The following MTMR9 variants were observed in gnomAD, a reference collection of about 807,000 sequenced individuals.
The protein encoded by MTMR9 is myotubularin related protein 9, also known as myotubularin-related protein 9.
MTMR9 carries 39 observed loss-of-function variants against 69.5 expected under a neutral mutation model. That is an observed-to-expected ratio of 0.56 (90% confidence interval 0.43 to 0.73). The LOEUF (loss-of-function observed/expected upper bound fraction) is 0.73, where lower values mean the gene tolerates loss of function less well. Ranked by LOEUF, MTMR9 falls within the 30% of genes least tolerant of loss-of-function variation. The probability of loss-of-function intolerance (pLI) is 0.00; values close to 1 mark genes in which losing one functional copy is unlikely to be tolerated. For synonymous variants in MTMR9, 354 were observed against 240.8 expected (o/e 1.47, Z -4.35); for missense variants, 900 against 671.2 (o/e 1.34, Z -3.77).
intron 9 of MTMR9, among the ~76,000 whole-genome samples, chr8:11,321,974 T>G (rs1389137068): frequency 6.6e-6 from 1 of 152,198 alleles, no homozygotes; most frequent in Non-Finnish European, 1.5e-5. Context: ...AAGGCATTAT[T>G]GTGGTGTGAT....
rs1341609534 is a variant in MTMR9, at chr8:11,327,677, C to G, written c.*4889C>G. The G allele has an allele frequency of 6.6e-6, 1 of 152,594 alleles. No individual in the cohort carries two copies. The highest frequency in any genetic ancestry group is 2.4e-5 in the African/African-American group (1 of 41,426). The allele number at this position is 152,594 out of a possible 1,614,324, so 9.5% of individuals were successfully genotyped here. A position where few individuals can be genotyped will look rare whatever the true frequency, so the allele number is the denominator to read the frequency against. ...TTCTCTTGATAATATTTGAATGTGA[C>G]TCTTGGATTTAAGTGCACTATTATT... is the stretch of plus-strand genomic sequence containing the variant. On this transcript the variant is annotated 3_prime_UTR_variant, in exon 10 of 10. Transcript: ENST00000221086.
intron 1 of MTMR9, among the ~76,000 whole-genome samples, chr8:11,294,192 T>C (rs1799468986): frequency 6.6e-6 from 1 of 152,210 alleles, no homozygotes; most frequent in Non-Finnish European, 1.5e-5. Context: ...CAAATAAAGG[T>C]AGTTTTACTT....
At chr8:11,336,514 C>T in the MTMR9 span, among the ~76,000 whole-genome samples, 3 of 152,218 alleles carry the variant, frequency 2.0e-5, no homozygotes, top group Non-Finnish European at 2.9e-5. Flanking sequence ...CTTTAGTCTT[C>T]CTTGTCATTA....
At chr8:11,285,110 G>T (rs376629937) in intron 1 of MTMR9, 40 bp downstream of exon 1, 1 of 1,491,808 alleles carries the variant, frequency 6.7e-7, no homozygotes, top group South Asian at 1.3e-5. Context: ...GGGAGCCGGG[G>T]GTCCCTTGTG....
At chr8:11,316,643 A>G (rs375935654) in intron 7 of MTMR9, 30 bp from the exon 8 acceptor site, 558 of 1,483,838 alleles carry the variant, frequency 3.8e-4, no homozygotes, top group Non-Finnish European at 4.8e-4. Flanking sequence ...TCACCAGGAT[A>G]TGACTGTCAC....
intron 6 of MTMR9, among the ~76,000 whole-genome samples, chr8:11,311,779 G>A (rs983748757): frequency 2.0e-5 from 3 of 151,896 alleles, no homozygotes; most frequent in Non-Finnish European, 2.9e-5. Flanking sequence ...ATGTGATACC[G>A]TTTGATAGCA....
chr8:11,288,796 C>G (rs1176546467), intron 1 of MTMR9, among the ~76,000 whole-genome samples: 1 of 152,220 alleles, frequency 6.6e-6, no homozygotes, highest in African/African-American at 2.4e-5. Context: ...GAAGACAATT[C>G]TGGCTGCTGG....
At chr8:11,329,739 G>A (rs181265851), downstream of MTMR9, among the ~76,000 whole-genome samples, 354 of 152,242 alleles carry the variant, frequency 2.3e-3, 2 homozygotes, top group African/African-American at 8.1e-3. Context: ...CCGCCACCCC[G>A]TCTGGGAAGG....
intron 1 of MTMR9, among the ~76,000 whole-genome samples, chr8:11,288,675 G>A (rs1799277808): frequency 6.6e-6 from 1 of 152,198 alleles, no homozygotes; most frequent in South Asian, 2.1e-4. Context: ...GAGACTGGCT[G>A]GAGGGATAAG....
chr8:11,309,832 G>T, intron 6 of MTMR9, 144 bp downstream of exon 6: 2 of 782,628 alleles, frequency 2.6e-6, no homozygotes, highest in Non-Finnish European at 3.9e-6. Flanking sequence ...TTATTGATGA[G>T]GTGTGTGCCT....
chr8:11,304,847 G>A lies in MTMR9; in HGVS notation c.424G>A (p.Glu142Lys), dbSNP rs1284428531. Residue 142 changes from glutamate to lysine, a missense_variant, in exon 4 of 10, where the codon GAA (glutamate) becomes AAA (lysine). Glu to Lys is a moderately conservative substitution (Grantham distance 56, BLOSUM62 1). Transcript: ENST00000221086. Reference sequence around the variant, plus strand: ...AGTATTTTGTGTTTTTCAGACCAGTGAATGGAGGCTAAGCTATGTCAATAA... The same window carrying A: ...AGTATTTTGTGTTTTTCAGACCAGTAAATGGAGGCTAAGCTATGTCAATAA... ...EFELYSSATS[E>K]WRLSYVNKEF... is the part of the protein sequence containing the mutation. 1.9e-6 allele frequency: 3 copies of A among 1,613,676 alleles called. No individual in the cohort carries two copies. Among genetic ancestry groups the A allele is most frequent in the Non-Finnish European group, 2.5e-6 (3 of 1,179,796 alleles).
intron 1 of MTMR9, among the ~76,000 whole-genome samples, chr8:11,292,399 A>G (rs1479340329): frequency 6.6e-6 from 1 of 152,160 alleles, no homozygotes; most frequent in East Asian, 1.9e-4. Flanking sequence ...TTTACTTTTT[A>G]AGAAGCTGCC....
At chr8:11,297,930 C>T (rs564046098) in intron 2 of MTMR9, 16 of 456,176 alleles carry the variant, frequency 3.5e-5, no homozygotes, top group East Asian at 3.5e-4. Flanking sequence ...CACCCTTCCC[C>T]GAATACATCT....
In MTMR9 at chr8:11,316,711, C is replaced by T; in HGVS notation, c.1152C>T (p.Ala384=). ...HPFQQRCAQS[A]YCNTKQKWEA... ...TCCAGCAGCGCTGTGCACAGTCAGC[C>T]TACTGTAACACCAAGCAGAAGTGGG... is the stretch of plus-strand genomic sequence containing the variant. The change falls in exon 8 of 10, where the codon GCC becomes GCT. Residue 384 remains alanine, a synonymous_variant. Transcript: ENST00000221086. The T allele has an allele frequency of 6.2e-7, 1 of 1,613,078 alleles. No homozygotes were observed. The highest frequency in any genetic ancestry group is 1.7e-5 in the Admixed American group (1 of 59,918).
In MTMR9 at chr8:11,325,530, G is replaced by A. The variant is rs1240326934; in HGVS notation, c.*2742G>A. On this transcript the variant is annotated 3_prime_UTR_variant, in exon 10 of 10. Transcript: ENST00000221086. ...CGTATTCAGCATCTTCTCTATTCAT[G>A]TGGAGTGAAAGCTGGTTTTTATACA... 1.3e-5 allele frequency: 2 copies of A among 152,192 alleles called. No homozygotes were observed. Among genetic ancestry groups the A allele is most frequent in the Non-Finnish European group, 2.9e-5 (2 of 68,032 alleles). 9.4% of individuals were successfully genotyped at this position (152,192 alleles called of 1,614,324 possible). A position where few individuals can be genotyped will look rare whatever the true frequency, so the allele number is the denominator to read the frequency against.
downstream of MTMR9, chr8:11,331,426 G>C: frequency 6.2e-7 from 1 of 1,613,962 alleles, no homozygotes; most frequent in South Asian, 1.1e-5. Flanking sequence ...GCCTGCTTCT[G>C]TGCCCTGCTC....
chr8:11,332,213 A>C, downstream of MTMR9: 5 of 1,495,968 alleles, frequency 3.3e-6, no homozygotes, highest in South Asian at 1.3e-5. Context: ...AAAAAAAATA[A>C]TTATAATAAA....
In MTMR9 at chr8:11,325,502, C is replaced by G. The variant is rs1173233598; in HGVS notation, c.*2714C>G. 3.9e-5 allele frequency: 6 copies of G among 152,146 alleles called. No homozygotes were observed. The highest frequency in any genetic ancestry group is 1.2e-4 in the African/African-American group (5 of 41,414). The allele number at this position is 152,146 out of a possible 1,614,324, so 9.4% of individuals were successfully genotyped here. On this transcript the variant is annotated 3_prime_UTR_variant, in exon 10 of 10. Transcript: ENST00000221086. ...AATCACGTGAGGGATAATCAGATTCCTGCGTATTCAGCATCTTCTCTATTC... is the reference window on the plus strand; with the variant it reads ...AATCACGTGAGGGATAATCAGATTCGTGCGTATTCAGCATCTTCTCTATTC...
chr8:11,302,312 A>T (rs1162557381), intron 3 of MTMR9, among the ~76,000 whole-genome samples: 2 of 151,436 alleles, frequency 1.3e-5, no homozygotes, highest in Non-Finnish European at 2.9e-5. Context: ...ATGATAGAAG[A>T]AAGACAATAT....
Sources: allele counts gnomAD v4.1 joint callset (sites outside exome capture counted in the v4.1 genomes callset), GRCh38; gene constraint gnomAD v4.1.1; transcripts MANE v1.5; gene names NCBI Gene and HGNC (gene_info 2026-07-23, HGNC 2026-07-21).